Variants in CRTAP observed in about 807,000 individuals in gnomAD.
CRTAP encodes the protein cartilage-associated protein.
CRTAP carries 33 observed loss-of-function variants against 42.7 expected under a neutral mutation model. That is an observed-to-expected ratio of 0.77 (90% CI 0.59 to 1.03). The LOEUF (loss-of-function observed/expected upper bound fraction) is 1.03. Among genes scored for constraint, CRTAP ranks in the 50% least tolerant of loss-of-function variants. CRTAP has a pLI of 0.00. For synonymous variants in CRTAP, 243 were observed against 217.7 expected (o/e 1.12, Z -1.02); for missense variants, 613 against 533.9 (o/e 1.15, Z -1.46).
Position 33,130,072 on chromosome 3 carries a change from G to C in CRTAP, c.922+5G>C. On this transcript the variant is annotated splice_donor_5th_base_variant and intron_variant, in intron 4 of 6. Transcript: ENST00000320954. ...TGCAGTTTGCCTATTATAAGTGTAA[G>C]TAATCTTCTGTGACATCTTGGGTGA... The C allele has an allele frequency of 6.2e-7, 1 of 1,612,998 alleles. No individual in the cohort carries two copies.
chr3:33,121,871 C>T (rs2029883961), intron 2 of CRTAP, among the ~76,000 whole-genome samples: 1 of 152,202 alleles, frequency 6.6e-6, no homozygotes, highest in South Asian at 2.1e-4. Context: ...GGAGCGGACC[C>T]AGGACCCCAA....
rs145048208 is a variant in CRTAP, at chr3:33,124,441, G to C, written c.655G>C (p.Gly219Arg). 6.8e-6 allele frequency: 11 copies of C among 1,614,150 alleles called. No homozygotes were observed. Among genetic ancestry groups the C allele is most frequent in the Admixed American group, 1.7e-5 (1 of 60,026 alleles). ...CATCCGAGCAGTGCGGGCATACAAC[G>C]GTGAGAACTGGAGAACATCCATCAC... Reference protein sequence around the residue: ...LFIRAVRAYNGENWRTSITDM... With the variant: ...LFIRAVRAYNRENWRTSITDM... The change falls in exon 3 of 7, where the codon GGT (glycine) becomes CGT (arginine). Residue 219 changes from glycine to arginine, a missense_variant. By Grantham distance (125) the Gly-to-Arg change is moderately radical. Coordinates refer to ENST00000320954, the MANE Select transcript of CRTAP (RefSeq NM_006371.5).
chr3:33,117,037 G>A (rs554263895), intron 1 of CRTAP, among the ~76,000 whole-genome samples: 9 of 152,300 alleles, frequency 5.9e-5, no homozygotes, highest in South Asian at 4.1e-4. Flanking sequence ...AGCCCAGAAA[G>A]TCAAGGCTGC....
chr3:33,130,690 G>A (rs895939938), intron 4 of CRTAP, among the ~76,000 whole-genome samples: 2 of 151,676 alleles, frequency 1.3e-5, no homozygotes, highest in South Asian at 2.1e-4. Flanking sequence ...GTGCCACCAC[G>A]CCTAGCTAAT....
At chr3:33,117,120 T>C (rs951671727) in intron 1 of CRTAP, among the ~76,000 whole-genome samples, 25 of 152,230 alleles carry the variant, frequency 1.6e-4, no homozygotes, top group African/African-American at 4.6e-4. Flanking sequence ...AAAAAAGTGA[T>C]GTTTACGTGT....
intron 3 of CRTAP, among the ~76,000 whole-genome samples, chr3:33,127,994 C>T (rs753905578): frequency 3.0e-4 from 46 of 152,056 alleles, no homozygotes; most frequent in South Asian, 2.1e-4. Context: ...GTGATCCGCC[C>T]GCCTTGCCCT....
chr3:33,122,274 TTGC>T (rs2029900145), intron 2 of CRTAP, among the ~76,000 whole-genome samples: 1 of 151,900 alleles, frequency 6.6e-6, no homozygotes, highest in South Asian at 2.1e-4. Context: ...TTGGTCCTTC[TTGC>T]TGCTGCTGCT....
At chr3:33,130,525 C>CTTTTTTTTTTTT (rs765558103) in intron 4 of CRTAP, among the ~76,000 whole-genome samples, 23 of 55,246 alleles carry the variant, frequency 4.2e-4, no homozygotes, top group Admixed American at 8.3e-4. Context: ...CTTTTCTTTT[C>CTTTTTTTTTTTT]TTTTTTTTTT....
intron 3 of CRTAP, among the ~76,000 whole-genome samples, chr3:33,127,782 T>C (rs906490072): frequency 6.7e-6 from 1 of 149,524 alleles, no homozygotes; most frequent in Non-Finnish European, 1.5e-5. Context: ...AGTCTCACTC[T>C]GTCGCCCAGG....
chr3:33,129,970 A>G lies in CRTAP; in HGVS notation c.825A>G (p.Ile275Met), dbSNP rs764370024. 4 of 1,613,660 alleles carry G rather than the reference A, an allele frequency of 2.5e-6. No homozygotes were observed. Among genetic ancestry groups the G allele is most frequent in the Non-Finnish European group, 3.4e-6 (4 of 1,179,528 alleles). The change falls in exon 4 of 7, where the codon ATA becomes ATG. Residue 275 changes from isoleucine to methionine, a missense_variant. Coordinates refer to ENST00000320954, the MANE Select transcript of CRTAP (RefSeq NM_006371.5). ...DHYVEVLECK[I>M]QCEENLTPVI... ...ATGTAGAAGTTCTGGAATGCAAAAT[A>G]CAGTGTGAAGAGAACCTCACCCCAG...
rs781334480 is a variant in CRTAP, at chr3:33,124,471, A to T, written c.685A>T (p.Met229Leu). The T allele has an allele frequency of 5.6e-6, 9 of 1,614,228 alleles. No individual in the cohort carries two copies. Among genetic ancestry groups the T allele is most frequent in the Non-Finnish European group, 7.6e-6 (9 of 1,180,038 alleles). ...GAACTGGAGAACATCCATCACAGAC[A>T]TGGAGCTGGCCCTTCCCGACTTCTT... ...GENWRTSITD[M>L]ELALPDFFKA... Residue 229 changes from methionine to leucine, a missense_variant, in exon 3 of 7, where the codon ATG becomes TTG. Transcript: ENST00000320954.
In CRTAP at chr3:33,130,068, G is replaced by A. The variant is rs1380991694; in HGVS notation, c.922+1G>A. On this transcript the variant is annotated splice_donor_variant, in intron 4 of 6. Coordinates refer to ENST00000320954, the MANE Select transcript of CRTAP (RefSeq NM_006371.5). LOFTEE classifies it high-confidence loss of function. ...TACTTGCAGTTTGCCTATTATAAGT[G>A]TAAGTAATCTTCTGTGACATCTTGG... 1 of 1,613,322 alleles carries A rather than the reference G, an allele frequency of 6.2e-7. No homozygotes were observed. The highest frequency in any genetic ancestry group is 8.5e-7 in the Non-Finnish European group (1 of 1,179,444).
At chr3:33,124,291 G>A in intron 2 of CRTAP, 117 bp from the exon 3 acceptor site, 1 of 1,171,258 alleles carries the variant, frequency 8.5e-7, no homozygotes, top group South Asian at 1.2e-5. Flanking sequence ...GGCCAGTGTG[G>A]CTTCTTCAGA....
At chr3:33,133,205 CCTT>C (rs1192140118) in intron 5 of CRTAP, among the ~76,000 whole-genome samples, 3 of 152,016 alleles carry the variant, frequency 2.0e-5, no homozygotes, top group Admixed American at 6.6e-5. Context: ...TAATCCTACA[CCTT>C]CTTTCTCTCT....
chr3:33,115,389 A>AT (rs1368443237), intron 1 of CRTAP: 2 of 152,146 alleles, frequency 1.3e-5, no homozygotes, highest in Non-Finnish European at 2.9e-5. Context: ...TTCATCTAGA[A>AT]TTTAACACAG....
Position 33,142,673 on chromosome 3 carries a change from G to C in CRTAP, c.*225G>C, listed in dbSNP as rs886058347. 79 of 520,450 alleles carry C rather than the reference G, an allele frequency of 1.5e-4. No homozygotes were observed. Among genetic ancestry groups the C allele is most frequent in the Non-Finnish European group, 2.2e-4 (62 of 287,086 alleles). The allele number at this position is 520,450 out of a possible 1,614,324, so 32.2% of individuals were successfully genotyped here. On this transcript the variant is annotated 3_prime_UTR_variant, in exon 7 of 7. Transcript: ENST00000320954. Reference sequence around the variant, plus strand: ...CACCTATCTTTCTCACCTTTTTTTTGAGATGGAGTCTCGCTCTCTTGCCCA... The same window carrying C: ...CACCTATCTTTCTCACCTTTTTTTTCAGATGGAGTCTCGCTCTCTTGCCCA...
At position 33,120,331 on chromosome 3, in the gene CRTAP, T is replaced by G. The variant is rs1314793557; in HGVS notation, c.472-13T>G. On this transcript the variant is annotated splice_polypyrimidine_tract_variant and intron_variant, in intron 1 of 6. Coordinates refer to ENST00000320954, the MANE Select transcript of CRTAP (RefSeq NM_006371.5). ...CATCCATGGAGTAGCTTTTATGTTC[T>G]TTGTCCTTTTAGGCAAATAATCTCC... 1 of 1,613,054 alleles carries G rather than the reference T, an allele frequency of 6.2e-7. No homozygotes were observed. The highest frequency in any genetic ancestry group is 2.2e-5 in the East Asian group (1 of 44,890).
At chr3:33,139,906 T>G (rs1165334306) in intron 6 of CRTAP, among the ~76,000 whole-genome samples, 1 of 152,260 alleles carries the variant, frequency 6.6e-6, no homozygotes, top group Non-Finnish European at 1.5e-5. Flanking sequence ...GTGACTAATA[T>G]TACATGATAT....
intron 1 of CRTAP, among the ~76,000 whole-genome samples, chr3:33,117,181 A>C (rs560578339): frequency 6.6e-6 from 1 of 152,312 alleles, no homozygotes; most frequent in East Asian, 1.9e-4. Flanking sequence ...AGGCACATAC[A>C]TTCTACCTGG....
Sources: allele counts gnomAD v4.1 joint callset (sites outside exome capture counted in the v4.1 genomes callset), GRCh38; gene constraint gnomAD v4.1.1; transcripts MANE v1.5; gene names NCBI Gene and HGNC (gene_info 2026-07-23, HGNC 2026-07-21).